The following THSD7A variants were observed in gnomAD, a reference collection of about 807,000 sequenced individuals.
The protein encoded by THSD7A is thrombospondin type 1 domain containing 7A, also known as thrombospondin type-1 domain-containing protein 7A.
A neutral mutation model predicts 231.3 loss-of-function variants in THSD7A; 96 were observed. The observed-to-expected ratio is 0.41, with a 90% CI of 0.35 to 0.49. THSD7A has a LOEUF of 0.49. THSD7A is among the 20% of genes least tolerant of loss of function. THSD7A has a pLI of 0.05. For synonymous variants in THSD7A, 940 were observed against 743.3 expected, an observed-to-expected ratio of 1.26 and a Z score of -4.30; for missense variants, 2,290 against 2,070.2, an observed-to-expected ratio of 1.11 and a Z score of -2.06.
At chr7:11,753,191 T>C (rs948124788) in intron 1 of THSD7A, among the ~76,000 whole-genome samples, 1 of 152,114 alleles carries the variant, frequency 6.6e-6, no homozygotes, top group African/African-American at 2.4e-5. Flanking sequence ...AAATTGTCTC[T>C]TTAATCAATT....
chr7:11,641,463 A>G (rs1782077970), intron 1 of THSD7A, among the ~76,000 whole-genome samples: 1 of 152,168 alleles, frequency 6.6e-6, no homozygotes, highest in Non-Finnish European at 1.5e-5. Context: ...AAGAGTTTCT[A>G]AAGTTTGCTT....
chr7:11,820,238 G>A (rs1784831748), intron 1 of THSD7A: 1 of 376,998 alleles, frequency 2.7e-6, no homozygotes, highest in Non-Finnish European at 4.8e-6. Flanking sequence ...TCTTCTTGAG[G>A]TTCCTCTGTT....
At chr7:11,812,875 A>C (rs897636846) in intron 1 of THSD7A, among the ~76,000 whole-genome samples, 1 of 152,202 alleles carries the variant, frequency 6.6e-6, no homozygotes, top group Non-Finnish European at 1.5e-5. Flanking sequence ...TTTGGGTTAA[A>C]TCACTTAACT....
intron 4 of THSD7A, among the ~76,000 whole-genome samples, chr7:11,556,980 A>G (rs1789873536): frequency 6.6e-6 from 1 of 151,966 alleles, no homozygotes; most frequent in Non-Finnish European, 1.5e-5. Flanking sequence ...AGCTTCTTGA[A>G]TCTGTAGGTT....
At chr7:11,727,220 A>G (rs1781579117) in intron 1 of THSD7A, among the ~76,000 whole-genome samples, 1 of 151,940 alleles carries the variant, frequency 6.6e-6, no homozygotes, top group Non-Finnish European at 1.5e-5. Flanking sequence ...GATTCTTGCC[A>G]GTATCACCAG....
At chr7:11,762,961 A>T (rs909728852) in intron 1 of THSD7A, among the ~76,000 whole-genome samples, 1 of 152,194 alleles carries the variant, frequency 6.6e-6, no homozygotes, top group Non-Finnish European at 1.5e-5. Flanking sequence ...TGTAAAATTC[A>T]TATGGAACCA....
chr7:11,792,965 A>G (rs1562559814), intron 1 of THSD7A, among the ~76,000 whole-genome samples: 1 of 152,022 alleles, frequency 6.6e-6, no homozygotes, highest in Non-Finnish European at 1.5e-5. Context: ...AATATCCCAT[A>G]GCATTATGAC....
At chr7:11,407,450 G>T in intron 19 of THSD7A, 27 bp from the exon 20 acceptor site, 1 of 1,563,748 alleles carries the variant, frequency 6.4e-7, no homozygotes, top group South Asian at 1.1e-5. Flanking sequence ...AGATCAGGAT[G>T]TATATTGTAA....
intron 1 of THSD7A, among the ~76,000 whole-genome samples, chr7:11,820,095 G>A (rs1784824276): frequency 6.8e-6 from 1 of 146,214 alleles, no homozygotes; most frequent in Non-Finnish European, 1.5e-5. Context: ...GTTGTGTTCC[G>A]CTCAAGAGCT....
chr7:11,430,343 T>G (rs1206842872), intron 13 of THSD7A, among the ~76,000 whole-genome samples: 2 of 152,238 alleles, frequency 1.3e-5, no homozygotes, highest in Non-Finnish European at 2.9e-5. Context: ...CTATGGTTAC[T>G]GGCAGCCACT....
At chr7:11,713,966 G>A (rs933745447) in intron 1 of THSD7A, among the ~76,000 whole-genome samples, 3 of 150,996 alleles carry the variant, frequency 2.0e-5, no homozygotes, top group Admixed American at 6.6e-5. Context: ...GAATAGAAAG[G>A]TAAAGAAAGG....
intron 23 of THSD7A, among the ~76,000 whole-genome samples, chr7:11,387,048 C>T (rs576501072): frequency 6.6e-6 from 1 of 152,172 alleles, no homozygotes; most frequent in Non-Finnish European, 1.5e-5. Flanking sequence ...TCTGAGGCCT[C>T]TATTGTGTTC....
At chr7:11,778,606 T>C (rs945027457) in intron 1 of THSD7A, among the ~76,000 whole-genome samples, 1 of 152,154 alleles carries the variant, frequency 6.6e-6, no homozygotes, top group Non-Finnish European at 1.5e-5. Context: ...AATATAATTA[T>C]TTCTTATAAA....
intron 2 of THSD7A, among the ~76,000 whole-genome samples, chr7:11,626,828 G>A (rs1027440195): frequency 6.6e-6 from 1 of 151,874 alleles, no homozygotes; most frequent in East Asian, 1.9e-4. Flanking sequence ...GTGTTAACCA[G>A]GAACAATAAT....
intron 23 of THSD7A, among the ~76,000 whole-genome samples, chr7:11,397,195 C>A (rs548777952): frequency 6.6e-6 from 1 of 151,918 alleles, no homozygotes; most frequent in South Asian, 2.1e-4. Flanking sequence ...CAAAACAGCA[C>A]GGTACTGGTA....
chr7:11,676,042 T>C (rs1375712663), intron 1 of THSD7A, among the ~76,000 whole-genome samples: 3 of 152,178 alleles, frequency 2.0e-5, no homozygotes, highest in Non-Finnish European at 2.9e-5. Context: ...CAGGTGCCCC[T>C]CTAGGACGAA....
chr7:11,590,373 T>C lies in THSD7A; in HGVS notation c.1453+87A>G. 1 of 1,368,112 alleles carries C rather than the reference T, an allele frequency of 7.3e-7. No individual in the cohort carries two copies. 84.7% of individuals were successfully genotyped at this position (1,368,112 alleles called of 1,614,324 possible). A position where few individuals can be genotyped will look rare whatever the true frequency, so the allele number is the denominator to read the frequency against. On this transcript the variant is annotated intron_variant, in intron 4 of 27. Transcript: ENST00000423059. This position sits in a 1 kb window ranked among gnomAD's most constrained non-coding sequence, Gnocchi z 4.4. The stretch of plus-strand genomic sequence containing the variant: ...GAACAGAAATGCAGCCCTCATAACC[T>C]GGATGGCTGTGTATATATCCCTTCA...
chr7:11,614,412 A>C (rs1781037558), intron 2 of THSD7A, among the ~76,000 whole-genome samples: 1 of 152,184 alleles, frequency 6.6e-6, no homozygotes, highest in Admixed American at 6.5e-5. Flanking sequence ...GTGATTACTT[A>C]TTTGGATGTG....
intron 1 of THSD7A, among the ~76,000 whole-genome samples, chr7:11,738,679 T>A (rs1180632195): frequency 3.9e-5 from 6 of 151,952 alleles, no homozygotes; most frequent in African/African-American, 1.4e-4. Context: ...TCATTTAAAC[T>A]GGAAGGGGCA....
Sources: allele counts gnomAD v4.1 joint callset (sites outside exome capture counted in the v4.1 genomes callset), GRCh38; gene constraint gnomAD v4.1.1; non-coding constraint Gnocchi (gnomAD v3.1); transcripts MANE v1.5; gene names NCBI Gene and HGNC (gene_info 2026-07-23, HGNC 2026-07-21).